PARP6: variants seen among roughly 807,000 people sequenced by gnomAD.
The protein encoded by PARP6 is poly(ADP-ribose) polymerase family member 6.
Under a neutral mutation model 92.0 loss-of-function variants are expected in PARP6, and 27 were observed. The ratio of observed to expected loss-of-function variants is 0.29; its 90% CI spans 0.22 to 0.40. The LOEUF is 0.40. Among genes scored for constraint, PARP6 ranks in the 10% least tolerant of loss-of-function variants. PARP6 has a pLI of 1.00. For synonymous variants in PARP6, 272 were observed against 281.2 expected (o/e 0.97, Z 0.33); for missense variants, 501 against 784.5 (o/e 0.64, Z 4.32).
intron 8 of PARP6, among the ~76,000 whole-genome samples, chr15:72,262,348 CCTACTATAAAAT>C (rs2086004564): frequency 6.6e-6 from 1 of 152,112 alleles, no homozygotes. Flanking sequence ...ATTTTCCAAC[CCTACTATAAAAT>C]CTACTTACAT....
chr15:72,254,124 C>A, intron 15 of PARP6: 1 of 477,318 alleles, frequency 2.1e-6, no homozygotes, highest in South Asian at 1.6e-5. Context: ...CTTCAAGCCC[C>A]CCTCCTCCTC....
At position 72,253,460 on chromosome 15, in the gene PARP6, G is replaced by A; in HGVS notation, c.1236C>T (p.Pro412=). 6.2e-7 allele frequency: 1 copy of A among 1,613,886 alleles called. No homozygotes were observed. The highest frequency in any genetic ancestry group is 8.5e-7 in the Non-Finnish European group (1 of 1,179,780). Residue 412 remains proline, a synonymous_variant, in exon 16 of 24, where the codon CCC becomes CCT. Transcript: ENST00000569795. The part of the protein sequence containing the change: ...EIKKQMDKLD[P]LAHPLLQWII... The stretch of plus-strand genomic sequence containing the variant: ...ACCACTGCAGGAGAGGATGGGCCAG[G>A]GGATCCAACTTGTCCATCTGTTTCT...
chr15:72,244,095 C>A, intron 20 of PARP6: 1 of 151,212 alleles, frequency 6.6e-6, no homozygotes, highest in Admixed American at 6.5e-5. Flanking sequence ...GTACTCATAA[C>A]CCCTGTTTTC....
chr15:72,257,292 G>A (rs1480902390), intron 13 of PARP6, 56 bp downstream of exon 13: 111 of 1,209,074 alleles, frequency 9.2e-5, no homozygotes, highest in Non-Finnish European at 7.4e-5. Context: ...TGAAATTGCT[G>A]GGTTCCTCTG....
At chr15:72,251,138 G>A (rs2140952260) in intron 17 of PARP6, 69 bp downstream of exon 17, 1 of 1,116,324 alleles carries the variant, frequency 9.0e-7, no homozygotes, top group Non-Finnish European at 1.4e-6. Flanking sequence ...AATATGGTTA[G>A]CTGGCTTCCA....
intron 10 of PARP6, among the ~76,000 whole-genome samples, chr15:72,259,912 C>T (rs2085632602): frequency 1.3e-5 from 2 of 152,224 alleles, no homozygotes; most frequent in African/African-American, 4.8e-5. Context: ...GTCCTACTCA[C>T]AAACTAATAA....
chr15:72,271,509 CTT>C (rs1446380238), intron 1 of PARP6, among the ~76,000 whole-genome samples: 1 of 152,152 alleles, frequency 6.6e-6, no homozygotes, highest in Non-Finnish European at 1.5e-5. Context: ...ATCACAAACA[CTT>C]TTTAAAAAAT....
chr15:72,250,703 A>T, intron 18 of PARP6, 142 bp downstream of exon 18: 1 of 619,184 alleles, frequency 1.6e-6, no homozygotes, highest in Admixed American at 2.8e-5. Flanking sequence ...TGTCCTCTAT[A>T]GCACCTACCA....
At chr15:72,246,761 A>AT (rs35331581) in intron 20 of PARP6, among the ~76,000 whole-genome samples, 96,272 of 148,802 alleles carry the variant, frequency 0.65, 32,490 homozygotes, top group Middle Eastern at 0.76. Flanking sequence ...ATTTATTATT[A>AT]TTTTTTTTTT....
chr15:72,246,067 A>T (rs2083564665), intron 20 of PARP6, among the ~76,000 whole-genome samples: 1 of 152,234 alleles, frequency 6.6e-6, no homozygotes, highest in South Asian at 2.1e-4. Flanking sequence ...ACAGAGTAAG[A>T]TTCACTCATA....
At chr15:72,259,097 A>G (rs993253426) in intron 11 of PARP6, among the ~76,000 whole-genome samples, 3 of 152,242 alleles carry the variant, frequency 2.0e-5, no homozygotes, top group African/African-American at 4.8e-5. Context: ...AATGCATTGG[A>G]GTAATGGCAA....
chr15:72,266,102 A>C, intron 4 of PARP6, 111 bp from the exon 5 acceptor site: 1 of 778,536 alleles, frequency 1.3e-6, no homozygotes, highest in Non-Finnish European at 2.2e-6. Flanking sequence ...ATCAGACAGC[A>C]GTATAGGGGA....
Position 72,250,845 on chromosome 15 carries a change from T to C in PARP6, c.1418A>G (p.His473Arg). Residue 473 changes from histidine (H) to arginine (R), a missense_variant and splice_region_variant, in exon 18 of 24, where the codon CAT becomes CGT. Transcript: ENST00000569795. ...ACTGCCCAGCCCCCAGCCTCCTCAC[T>C]GGAAGGCAAAGGTGCTGCCATAGAG... ...KKLYGSTFAF[H>R]GSHIENWHSI... The C allele has an allele frequency of 8.3e-7, 1 of 1,208,842 alleles. No individual in the cohort carries two copies. The highest frequency in any genetic ancestry group is 1.2e-6 in the Non-Finnish European group (1 of 865,388). The allele number at this position is 1,208,842 out of a possible 1,614,324, so 74.9% of individuals were successfully genotyped here. A position where few individuals can be genotyped will look rare whatever the true frequency, so the allele number is the denominator to read the frequency against.
In PARP6 at chr15:72,241,439, G is replaced by C. The variant is rs755580527; in HGVS notation, c.*16C>G. On this transcript the variant is annotated 3_prime_UTR_variant, in exon 24 of 24. Transcript: ENST00000569795. This position sits in a 1 kb window ranked among gnomAD's most constrained non-coding sequence, Gnocchi z 4.1. ...GATCCTGGGGTAACAGGGGTGGTAC[G>C]AGGGCTGGGGCCCCCTCAGTTTGTG... is the stretch of plus-strand genomic sequence containing the variant. The C allele has an allele frequency of 6.3e-7, 1 of 1,588,206 alleles. No individual in the cohort carries two copies. The highest frequency in any genetic ancestry group is 2.2e-5 in the East Asian group (1 of 44,780).
chr15:72,266,736 T>G lies in PARP6; in HGVS notation c.81+9A>C, dbSNP rs918931433. 1 of 1,608,134 alleles carries G rather than the reference T, an allele frequency of 6.2e-7. No homozygotes were observed. Among genetic ancestry groups the G allele is most frequent in the Admixed American group, 1.7e-5 (1 of 60,016 alleles). Reference sequence around the variant, plus strand: ...TCCAACACGGGGGTCTTGGGAGATGTAACCTCACCTGAACGCCATAGAGAA... The same window carrying G: ...TCCAACACGGGGGTCTTGGGAGATGGAACCTCACCTGAACGCCATAGAGAA... On this transcript the variant is annotated intron_variant, in intron 4 of 23. Transcript: ENST00000569795.
At position 72,256,555 on chromosome 15, in the gene PARP6, A is replaced by G. The variant is rs192633374; in HGVS notation, c.1035T>C (p.Ala345=). Residue 345 remains alanine, a synonymous_variant, in exon 14 of 24, where the codon GCT becomes GCC. Coordinates refer to ENST00000569795, the MANE Select transcript of PARP6 (RefSeq NM_001323532.2). Reference sequence around the variant, plus strand: ...TGATGCTCTTTCTAGGGGACTCTAAAGCTGCCCTACACATGGCCACCAGCA... The same window carrying G: ...TGATGCTCTTTCTAGGGGACTCTAAGGCTGCCCTACACATGGCCACCAGCA... ...VDLLVAMCRA[A]LESPRKSIIF... 133 of 1,590,270 alleles carry G rather than the reference A, an allele frequency of 8.4e-5. No individual in the cohort carries two copies. In the African/African-American group the frequency reaches 1.6e-3, roughly 19 times the overall value.
At chr15:72,264,891 G>A (rs1261776562) in intron 7 of PARP6, among the ~76,000 whole-genome samples, 190 bp downstream of exon 7, 1 of 152,200 alleles carries the variant, frequency 6.6e-6, no homozygotes, top group Admixed American at 6.5e-5. Context: ...AGGCAAGAAG[G>A]CCTTTAGGGA....
chr15:72,264,239 G>C (rs924102892), intron 8 of PARP6, among the ~76,000 whole-genome samples: 1 of 152,100 alleles, frequency 6.6e-6, no homozygotes, highest in South Asian at 2.1e-4. Flanking sequence ...AGAGTTCCTA[G>C]AGACTTACTC....
chr15:72,252,728 G>A (rs947098933), intron 16 of PARP6, among the ~76,000 whole-genome samples: 6 of 152,126 alleles, frequency 3.9e-5, no homozygotes, highest in South Asian at 2.1e-4. Context: ...CAGGTGATCC[G>A]CCCGCCTCGG....
Sources: allele counts gnomAD v4.1 joint callset (sites outside exome capture counted in the v4.1 genomes callset), GRCh38; gene constraint gnomAD v4.1.1; non-coding constraint Gnocchi (gnomAD v3.1); transcripts MANE v1.5; gene names NCBI Gene and HGNC (gene_info 2026-07-23, HGNC 2026-07-21).